NDST3: variants seen among roughly 807,000 people sequenced by gnomAD.
NDST3 encodes the protein bifunctional heparan sulfate N-deacetylase/N-sulfotransferase 3.
NDST3 carries 58 observed loss-of-function variants against 96.1 expected under a neutral mutation model. The ratio of observed to expected loss-of-function variants is 0.60; its 90% CI spans 0.49 to 0.75. NDST3 has a LOEUF of 0.75. Ranked by LOEUF, NDST3 falls within the 30% of genes least tolerant of loss-of-function variation. The pLI is 0.00. For synonymous variants in NDST3, 333 were observed against 359.7 expected (o/e 0.93, Z 0.84); for missense variants, 788 against 1,034.2 (o/e 0.76, Z 3.27).
chr4:118,226,849 G>T, intron 7 of NDST3, 37 bp from the exon 8 acceptor site: 1 of 1,464,496 alleles, frequency 6.8e-7, no homozygotes, highest in South Asian at 1.2e-5. Flanking sequence ...ACACATTCAT[G>T]AAAAAAAATA....
chr4:118,215,627 A>T (rs200639229), intron 6 of NDST3, among the ~76,000 whole-genome samples: 1 of 78,456 alleles, frequency 1.3e-5, no homozygotes, highest in Admixed American at 1.7e-4. Flanking sequence ...GGGAAGGACC[A>T]GTGGAGAGGA....
chr4:118,162,709 AAC>A (rs1735254533), intron 6 of NDST3, among the ~76,000 whole-genome samples: 2 of 148,146 alleles, frequency 1.4e-5, no homozygotes, highest in Non-Finnish European at 3.0e-5. Flanking sequence ...TCATGTCTAA[AAC>A]ACCAAAAGCA....
chr4:118,066,218 A>ATT lies in NDST3; in HGVS notation c.981+11327_981+11328insTT, dbSNP rs1560617831. ...ATATTATATTTTATATATTATACAT[A>ATT]ATATATTATATATATTATATATTAT... On this transcript the variant is annotated intron_variant, in intron 2 of 13. Transcript: ENST00000296499. 1.0e-3 allele frequency among the ~76,000 whole-genome samples: 64 copies of ATT among 62,852 alleles called. 11 individuals are homozygous for ATT. The highest frequency in any genetic ancestry group is 3.8e-3 in the African/African-American group (55 of 14,320). The allele number at this position is 62,852 out of a possible 152,430, so 41.2% of individuals were successfully genotyped here. A position where few individuals can be genotyped will look rare whatever the true frequency, so the allele number is the denominator to read the frequency against.
chr4:118,113,206 A>G (rs1158784768), intron 3 of NDST3, among the ~76,000 whole-genome samples: 3 of 152,198 alleles, frequency 2.0e-5, no homozygotes, highest in East Asian at 3.9e-4. Context: ...TTGGCCACAC[A>G]ACTCAAATAT....
chr4:118,036,367 A>G (rs993616320), intron 1 of NDST3, among the ~76,000 whole-genome samples: 3 of 152,192 alleles, frequency 2.0e-5, no homozygotes. Context: ...AAAATCAGGG[A>G]AATTGAATTA....
chr4:118,104,029 G>A (rs1031461893), intron 2 of NDST3, among the ~76,000 whole-genome samples: 2 of 152,088 alleles, frequency 1.3e-5, no homozygotes, highest in South Asian at 4.2e-4. Context: ...CAAAAAAGTT[G>A]GGACCATAAA....
In NDST3 at chr4:118,235,760, T is replaced by C. The variant is rs114337580; in HGVS notation, c.1944-1286T>C. Among the ~76,000 whole-genome samples, 734 of 152,244 alleles carry C rather than the reference T, an allele frequency of 4.8e-3. 11 individuals are homozygous for C. Among genetic ancestry groups the C allele is most frequent in the African/African-American group, 0.016 (682 of 41,532 alleles). ...TAAATAGAATGTACACCAGAACAAA[T>C]AGCACATCAAACCTTCCAGAAATTT... is the stretch of plus-strand genomic sequence containing the variant. On this transcript the variant is annotated intron_variant, in intron 9 of 13. Transcript: ENST00000296499.
At chr4:118,156,114 ACT>A (rs1734694686) in intron 6 of NDST3, among the ~76,000 whole-genome samples, 1 of 152,152 alleles carries the variant, frequency 6.6e-6, no homozygotes, top group Non-Finnish European at 1.5e-5. Flanking sequence ...GCTCCTGTCC[ACT>A]TTTCTCATCC....
intron 2 of NDST3, among the ~76,000 whole-genome samples, chr4:118,084,873 C>A (rs1359798367): frequency 6.6e-6 from 1 of 152,146 alleles, no homozygotes; most frequent in African/African-American, 2.4e-5. Flanking sequence ...GTAATCCCAG[C>A]ACTTTGGGAG....
intron 6 of NDST3, among the ~76,000 whole-genome samples, chr4:118,205,648 G>T (rs1039612975): frequency 1.4e-5 from 2 of 144,222 alleles, no homozygotes; most frequent in African/African-American, 5.1e-5. Flanking sequence ...ATAAGTCAAT[G>T]TAGTACAATG....
chr4:118,153,571 C>G (rs554236469), intron 6 of NDST3, among the ~76,000 whole-genome samples: 80 of 152,224 alleles, frequency 5.3e-4, no homozygotes, highest in African/African-American at 1.9e-3. Flanking sequence ...GCCTTTAATA[C>G]CAGCACTTTG....
Position 118,205,832 on chromosome 4 carries a change from C to CT in NDST3, c.1540-18641dup, listed in dbSNP as rs56843725. 8.0e-4 allele frequency among the ~76,000 whole-genome samples: 76 copies of CT among 95,452 alleles called. 4 individuals carry two copies. Among genetic ancestry groups the CT allele is most frequent in the African/African-American group, 2.0e-3 (63 of 31,080 alleles). The allele number at this position is 95,452 out of a possible 152,430, so 62.6% of individuals were successfully genotyped here. On this transcript the variant is annotated intron_variant, in intron 6 of 13. Coordinates refer to ENST00000296499, the MANE Select transcript of NDST3 (RefSeq NM_004784.3). Reference sequence around the variant, plus strand: ...CAGTACTGGCCACCTATCGGGCTTTCTTTTTTTTTTTTTTTTTTGAGACGG... The same window carrying CT: ...CAGTACTGGCCACCTATCGGGCTTTCTTTTTTTTTTTTTTTTTTTGAGACGG...
chr4:118,088,067 G>A (rs989806628), intron 2 of NDST3, among the ~76,000 whole-genome samples: 1 of 151,954 alleles, frequency 6.6e-6, no homozygotes, highest in Non-Finnish European at 1.5e-5. Context: ...GGAACAGCTG[G>A]CAATAAAACC....
rs72919247 is a variant in NDST3, at chr4:118,255,849, C to A, written c.*137C>A. ...GAACAGTTTCTTCCATGTGCTGGCA[C>A]GTGGATGATTAGAAAAAAAGAAAAA... is the stretch of plus-strand genomic sequence containing the variant. On this transcript the variant is annotated 3_prime_UTR_variant, in exon 14 of 14. Transcript: ENST00000296499. The A allele has an allele frequency of 2.9e-6, 3 of 1,022,460 alleles. No individual in the cohort carries two copies. The highest frequency in any genetic ancestry group is 1.6e-5 in the African/African-American group (1 of 60,914). 63.3% of individuals were successfully genotyped at this position (1,022,460 alleles called of 1,614,324 possible).
intron 2 of NDST3, among the ~76,000 whole-genome samples, chr4:118,090,402 C>A (rs752455719): frequency 6.6e-6 from 1 of 151,934 alleles, no homozygotes. Context: ...ATTGCCCCAT[C>A]CTATCAATGC....
At chr4:118,126,655 A>C (rs1352210237) in intron 4 of NDST3, among the ~76,000 whole-genome samples, 1 of 151,810 alleles carries the variant, frequency 6.6e-6, no homozygotes, top group Non-Finnish European at 1.5e-5. Context: ...AACGAACATG[A>C]GAGTGCAGAT....
In NDST3 at chr4:118,255,080, G is replaced by A. The variant is rs72677021; in HGVS notation, c.2503-513G>A. 8.0e-3 allele frequency among the ~76,000 whole-genome samples: 1,213 copies of A among 152,126 alleles called. 6 individuals carry two copies. The highest frequency in any genetic ancestry group is 0.014 in the Non-Finnish European group (968 of 67,984). ...GCATTTATGTCAAAGCTATTTCCCC[G>A]TAAATTTATTAAAGCTAAAATGTTT... On this transcript the variant is annotated intron_variant, in intron 13 of 13. Transcript: ENST00000296499.
chr4:118,042,653 AT>A (rs1263148072), intron 1 of NDST3, among the ~76,000 whole-genome samples: 1 of 152,164 alleles, frequency 6.6e-6, no homozygotes, highest in Non-Finnish European at 1.5e-5. Context: ...TATTATTTCC[AT>A]TTTCAACCCC....
In NDST3 at chr4:118,231,164, C is replaced by T. The variant is rs540184359; in HGVS notation, c.1820-1848C>T. ...CAGCCTGGCCAACATGGTGAAACCC[C>T]GTCTCTACTAAAAATACAAAAATTA... On this transcript the variant is annotated intron_variant, in intron 8 of 13. Coordinates refer to ENST00000296499, the MANE Select transcript of NDST3 (RefSeq NM_004784.3). 1.4e-3 allele frequency among the ~76,000 whole-genome samples: 216 copies of T among 151,616 alleles called. 1 individual carries two copies. The highest frequency in any genetic ancestry group is 5.0e-3 in the African/African-American group (206 of 41,398).
Sources: gnomAD v4.1 joint callset for allele counts (sites outside exome capture counted in the v4.1 genomes callset) on GRCh38, gnomAD v4.1.1 for gene constraint, MANE v1.5 for transcripts, NCBI Gene and HGNC (gene_info 2026-07-23, HGNC 2026-07-21) for gene names.